The following MICU3 variants were observed in gnomAD, a reference collection of about 807,000 sequenced individuals.
MICU3 encodes the protein calcium uptake protein 3, mitochondrial.
A neutral mutation model predicts 66.5 loss-of-function variants in MICU3; 62 were observed. That is an observed-to-expected ratio of 0.93 (90% CI 0.76 to 1.15). The LOEUF (loss-of-function observed/expected upper bound fraction) is 1.15, where lower values mean the gene tolerates loss of function less well. Among genes scored for constraint, MICU3 ranks in the 50% most tolerant of loss-of-function variants. The pLI is 0.00. For missense variants in MICU3, 779 were observed against 664.4 expected, an observed-to-expected ratio of 1.17 and a Z score of -1.90; for synonymous variants, 308 against 240.7, an observed-to-expected ratio of 1.28 and a Z score of -2.59.
At chr8:17,095,571 T>C (rs971475495) in intron 8 of MICU3, among the ~76,000 whole-genome samples, 5 of 151,970 alleles carry the variant, frequency 3.3e-5, no homozygotes, top group Non-Finnish European at 7.4e-5. Context: ...CCCTAGTTTG[T>C]TTAATCTCTG....
At chr8:17,054,026 G>A (rs1816516015) in intron 1 of MICU3, among the ~76,000 whole-genome samples, 1 of 152,168 alleles carries the variant, frequency 6.6e-6, no homozygotes, top group South Asian at 2.1e-4. Flanking sequence ...TGTGATCTGT[G>A]CTTGGGCAGT....
intron 1 of MICU3, 135 bp downstream of exon 1, chr8:17,027,795 A>G: frequency 1.8e-6 from 2 of 1,125,842 alleles, no homozygotes; most frequent in South Asian, 4.5e-5. Flanking sequence ...CGAGGCTGAC[A>G]CCTAGGCCGG....
chr8:17,124,034 C>G (rs1284945095), downstream of MICU3, among the ~76,000 whole-genome samples: 1 of 148,326 alleles, frequency 6.7e-6, no homozygotes, highest in African/African-American at 2.5e-5. Context: ...CTTTTGGTAT[C>G]TACCTTCATA....
At chr8:17,107,411 GT>G (rs1801828639) in intron 11 of MICU3, among the ~76,000 whole-genome samples, 1 of 152,112 alleles carries the variant, frequency 6.6e-6, no homozygotes, top group Admixed American at 6.6e-5. Context: ...ATGCCAAAAG[GT>G]AAAGTAAGTG....
chr8:17,102,246 T>C (rs375376021), intron 9 of MICU3, among the ~76,000 whole-genome samples: 33 of 151,886 alleles, frequency 2.2e-4, no homozygotes, highest in African/African-American at 6.5e-4. Context: ...ACTCTTATGC[T>C]CCACTCGAGC....
chr8:17,109,379 A>G (rs966616016), intron 11 of MICU3, among the ~76,000 whole-genome samples: 2 of 152,168 alleles, frequency 1.3e-5, no homozygotes, highest in African/African-American at 4.8e-5. Context: ...GTACAAGGTT[A>G]CTAATTATAA....
intron 1 of MICU3, among the ~76,000 whole-genome samples, chr8:17,038,293 G>A (rs931788247): frequency 6.6e-6 from 1 of 152,168 alleles, no homozygotes; most frequent in Non-Finnish European, 1.5e-5. Context: ...AATCGTGGGG[G>A]TGGGTTTTTC....
chr8:17,119,755 C>T (rs1436722441), intron 14 of MICU3, among the ~76,000 whole-genome samples: 1 of 152,012 alleles, frequency 6.6e-6, no homozygotes, highest in Admixed American at 6.6e-5. Flanking sequence ...TGGCAGTATT[C>T]AGCATTTTAC....
chr8:17,033,220 C>T (rs1812390610), intron 1 of MICU3, among the ~76,000 whole-genome samples: 1 of 152,112 alleles, frequency 6.6e-6, no homozygotes, highest in Non-Finnish European at 1.5e-5. Context: ...CTACATAAGC[C>T]AAAAGATAGG....
In MICU3 at chr8:17,121,101, G is replaced by A. The variant is rs1803164155; in HGVS notation, c.*814G>A. 1 of 151,822 alleles carries A rather than the reference G, an allele frequency of 6.6e-6. No homozygotes were observed. Among genetic ancestry groups the A allele is most frequent in the Non-Finnish European group, 1.5e-5 (1 of 67,794 alleles). 9.4% of individuals were successfully genotyped at this position (151,822 alleles called of 1,614,324 possible). On this transcript the variant is annotated 3_prime_UTR_variant, in exon 15 of 15. Coordinates refer to ENST00000318063, the MANE Select transcript of MICU3 (RefSeq NM_181723.3). ...TCATTATCTTCTTAAACATGAAGCTGCTCCTGATCATAGGTGGTACACGTT... is the reference window on the plus strand; with the variant it reads ...TCATTATCTTCTTAAACATGAAGCTACTCCTGATCATAGGTGGTACACGTT...
At chr8:17,076,798 G>C (rs938472135) in intron 3 of MICU3, among the ~76,000 whole-genome samples, 1 of 152,196 alleles carries the variant, frequency 6.6e-6, no homozygotes, top group Non-Finnish European at 1.5e-5. Context: ...TGGGCACTGA[G>C]ATTCTGCATT....
chr8:17,032,310 C>G (rs559604432), intron 1 of MICU3, among the ~76,000 whole-genome samples: 1 of 152,034 alleles, frequency 6.6e-6, no homozygotes, highest in Admixed American at 6.6e-5. Context: ...ATTAGAACCT[C>G]AAAGTTTTAG....
chr8:17,031,904 G>GA (rs1563261356), intron 1 of MICU3, among the ~76,000 whole-genome samples: 1 of 152,122 alleles, frequency 6.6e-6, no homozygotes. Flanking sequence ...TTCAGATAAT[G>GA]TCTTTTTTTG....
At chr8:17,089,781 A>G (rs188392683) in intron 7 of MICU3, among the ~76,000 whole-genome samples, 368 of 152,216 alleles carry the variant, frequency 2.4e-3, no homozygotes, top group African/African-American at 8.5e-3. Context: ...CTACTTAACC[A>G]TGTGAAATGT....
intron 1 of MICU3, among the ~76,000 whole-genome samples, chr8:17,042,915 G>A (rs1184262108): frequency 7.2e-6 from 1 of 138,356 alleles, no homozygotes; most frequent in Non-Finnish European, 1.5e-5. Context: ...TAAACTGCTT[G>A]TAGCAATTCA....
chr8:17,045,119 G>T (rs1814838645), intron 1 of MICU3, among the ~76,000 whole-genome samples: 1 of 152,036 alleles, frequency 6.6e-6, no homozygotes, highest in South Asian at 2.1e-4. Context: ...GAAGCCTATA[G>T]TGTTGAGAAA....
chr8:17,130,050 C>T, the MICU3 span, among the ~76,000 whole-genome samples: 22 of 152,294 alleles, frequency 1.4e-4, no homozygotes, highest in South Asian at 4.1e-4. Flanking sequence ...AAGACACCTT[C>T]CGATAAATAC....
intron 1 of MICU3, among the ~76,000 whole-genome samples, chr8:17,041,442 A>G (rs906636665): frequency 3.3e-5 from 5 of 152,204 alleles, no homozygotes; most frequent in African/African-American, 1.2e-4. Flanking sequence ...TTTTGTGAAG[A>G]CATTGGAGGT....
intron 1 of MICU3, among the ~76,000 whole-genome samples, chr8:17,034,830 T>G (rs1376580012): frequency 6.6e-6 from 1 of 152,230 alleles, no homozygotes; most frequent in African/African-American, 2.4e-5. Context: ...CTAATCCTGG[T>G]GAAGATGCTG....
Sources: gnomAD v4.1 joint callset for allele counts (sites outside exome capture counted in the v4.1 genomes callset) on GRCh38, gnomAD v4.1.1 for gene constraint, MANE v1.5 for transcripts, NCBI Gene and HGNC (gene_info 2026-07-23, HGNC 2026-07-21) for gene names.